UNC80: variants seen among roughly 807,000 people sequenced by gnomAD.
UNC80 encodes protein unc-80 homolog.
In UNC80, 164 loss-of-function variants were observed where a neutral mutation model predicts 384.6. That is an observed-to-expected ratio of 0.43 (90% CI 0.38 to 0.49). The LOEUF (loss-of-function observed/expected upper bound fraction) is 0.49. UNC80 is among the 20% of genes least tolerant of loss of function. The pLI is 0.00. For synonymous variants in UNC80, 1,486 were observed against 1,527.8 expected (o/e 0.97, Z 0.64); for missense variants, 3,330 against 4,143.0 (o/e 0.80, Z 5.39).
chr2:209,867,899 G>A (rs2083970748), intron 22 of UNC80, among the ~76,000 whole-genome samples: 1 of 152,104 alleles, frequency 6.6e-6, no homozygotes, highest in South Asian at 2.1e-4. Flanking sequence ...TAAATCAAAT[G>A]AATTCTTCAC....
chr2:209,986,660 G>T (rs2093296168), intron 61 of UNC80, among the ~76,000 whole-genome samples: 1 of 152,050 alleles, frequency 6.6e-6, no homozygotes, highest in South Asian at 2.1e-4. Flanking sequence ...TTTAGTTCTG[G>T]GTGTGAGTCA....
chr2:209,888,036 G>C, intron 25 of UNC80, 59 bp from the exon 26 acceptor site: 1 of 1,511,194 alleles, frequency 6.6e-7, no homozygotes, highest in South Asian at 1.2e-5. Context: ...GGCTTGCCGC[G>C]AGACCAATGC....
intron 22 of UNC80, among the ~76,000 whole-genome samples, chr2:209,868,449 G>A (rs1393260676): frequency 6.6e-6 from 1 of 152,086 alleles, no homozygotes; most frequent in African/African-American, 2.4e-5. Flanking sequence ...GGAAAGGAAG[G>A]CATTGCAATT....
At position 209,878,010 on chromosome 2, in the gene UNC80, C is replaced by G; in HGVS notation, c.3897C>G (p.Asn1299Lys). The change falls in exon 24 of 65, where the codon AAC becomes AAG. Residue 1299 changes from asparagine to lysine, a missense_variant. By Grantham distance (94) the Asn-to-Lys change is moderately conservative. Transcript: ENST00000673920. ...ACGGGGAAAGTGAGAGCCCAGCCAA[C>G]CTGCTGGGTCTCATTTACGATGAAG... ...LCHGESESPA[N>K]LLGLIYDEET... is the part of the protein sequence containing the mutation. The G allele has an allele frequency of 1.3e-6, 2 of 1,546,002 alleles. No individual in the cohort carries two copies. Among genetic ancestry groups the G allele is most frequent in the Non-Finnish European group, 1.7e-6 (2 of 1,144,342 alleles).
intron 14 of UNC80, 137 bp downstream of exon 14, chr2:209,826,190 T>A: frequency 9.2e-7 from 1 of 1,088,440 alleles, no homozygotes; most frequent in South Asian, 2.1e-5. Flanking sequence ...TGTTTTGGTG[T>A]GAGGAGATTC....
At chr2:209,876,786 C>A (rs560841206) in intron 23 of UNC80, among the ~76,000 whole-genome samples, 27 of 152,204 alleles carry the variant, frequency 1.8e-4, no homozygotes, top group Admixed American at 1.3e-4. Context: ...TTTAGAATCC[C>A]ACATACTGCA....
chr2:209,972,921 GCTGTA>G (rs111272857), intron 55 of UNC80, 138 bp from the exon 56 acceptor site: 22,120 of 708,946 alleles, frequency 0.031, 839 homozygotes, highest in South Asian at 0.14. Flanking sequence ...CATTGGTGAA[GCTGTA>G]CTTGATGGGA....
chr2:209,797,499 G>A (rs536501879), intron 7 of UNC80, among the ~76,000 whole-genome samples: 144 of 152,162 alleles, frequency 9.5e-4, no homozygotes, highest in Non-Finnish European at 1.9e-3. Flanking sequence ...CAAAGCACAC[G>A]ATCTCTTTCC....
At chr2:209,903,141 A>T (rs568310346) in intron 28 of UNC80, among the ~76,000 whole-genome samples, 2 of 151,624 alleles carry the variant, frequency 1.3e-5, no homozygotes, top group Non-Finnish European at 2.9e-5. Context: ...AGTAGTTATT[A>T]TACTGTATTG....
At chr2:209,816,712 T>C (rs774434618) in intron 9 of UNC80, among the ~76,000 whole-genome samples, 197 bp from the exon 10 acceptor site, 7 of 152,196 alleles carry the variant, frequency 4.6e-5, no homozygotes, top group Admixed American at 6.5e-5. Context: ...ACGGAATACA[T>C]GGCCTTTTAC....
Position 209,945,098 on chromosome 2 carries a change from G to C in UNC80, c.7098G>C (p.Leu2366=), listed in dbSNP as rs927732700. The C allele has an allele frequency of 3.8e-5, 59 of 1,551,638 alleles. No individual in the cohort carries two copies. Among genetic ancestry groups the C allele is most frequent in the Middle Eastern group, 1.7e-4 (1 of 6,016 alleles). ...GCAAAGGTGTGTCAGCTCAGTGCCT[G>C]TTTGACTTGCTGCAGTCCCTAGAGG... The part of the protein sequence containing the change: ...GPSKGVSAQC[L]FDLLQSLEGE... Residue 2366 remains leucine (L), a synonymous_variant, in exon 46 of 65, where the codon CTG becomes CTC. Coordinates refer to ENST00000673920, the MANE Select transcript of UNC80 (RefSeq NM_001371986.1).
At chr2:209,820,754 T>A in intron 13 of UNC80, 75 bp downstream of exon 13, 5 of 1,449,470 alleles carry the variant, frequency 3.4e-6, no homozygotes, top group Non-Finnish European at 4.6e-6. Context: ...TTGCCAGCAG[T>A]TTATTGAATC....
intron 59 of UNC80, 60 bp downstream of exon 59, chr2:209,978,768 G>A (rs2093077448): frequency 7.1e-7 from 1 of 1,398,616 alleles, no homozygotes; most frequent in East Asian, 2.7e-5. Context: ...GCAGGGGCTT[G>A]GGAAGGATTA....
chr2:209,980,311 AT>A (rs1318462363), intron 59 of UNC80, among the ~76,000 whole-genome samples: 2 of 152,204 alleles, frequency 1.3e-5, no homozygotes, highest in Non-Finnish European at 2.9e-5. Flanking sequence ...AGCTAAATAT[AT>A]TTTGCAGGTA....
At chr2:209,909,828 A>G (rs1426855170) in intron 29 of UNC80, among the ~76,000 whole-genome samples, 1 of 152,070 alleles carries the variant, frequency 6.6e-6, no homozygotes, top group East Asian at 2.0e-4. Flanking sequence ...CATAGCAGGG[A>G]TTCCCAAGTA....
At chr2:209,775,383 G>A (rs1208911393) in intron 2 of UNC80, among the ~76,000 whole-genome samples, 1 of 152,058 alleles carries the variant, frequency 6.6e-6, no homozygotes, top group Admixed American at 6.5e-5. Context: ...TCTGTGCCGG[G>A]TCATTGCTAA....
At chr2:209,772,489 T>C (rs2153824351) in intron 1 of UNC80, among the ~76,000 whole-genome samples, 1 of 152,166 alleles carries the variant, frequency 6.6e-6, no homozygotes, top group South Asian at 2.1e-4. Context: ...TGCTCCTGCG[T>C]CCAATTCCCC....
chr2:209,809,623 C>G, intron 7 of UNC80: 1 of 638,824 alleles, frequency 1.6e-6, no homozygotes, highest in Non-Finnish European at 2.7e-6. Context: ...ACACCCTGCC[C>G]CCGCCAACCA....
At chr2:209,857,658 T>C (rs959743701) in intron 22 of UNC80, among the ~76,000 whole-genome samples, 6 of 152,168 alleles carry the variant, frequency 3.9e-5, no homozygotes, top group Non-Finnish European at 5.9e-5. Flanking sequence ...TTCATTGATA[T>C]TCTTTTCTCT....
Sources: allele counts gnomAD v4.1 joint callset (sites outside exome capture counted in the v4.1 genomes callset), GRCh38; gene constraint gnomAD v4.1.1; transcripts MANE v1.5; gene names NCBI Gene and HGNC (gene_info 2026-07-23, HGNC 2026-07-21).